NHS: variants seen among roughly 807,000 people sequenced by gnomAD.
NHS encodes NHS actin remodeling regulator.
NHS carries 5 observed loss-of-function variants against 72.5 expected under a neutral mutation model. The ratio of observed to expected loss-of-function variants is 0.07; its 90% CI spans 0.04 to 0.14. NHS has a LOEUF of 0.14. NHS is among the 10% of genes least tolerant of loss of function. The probability of loss-of-function intolerance (pLI) is 1.00; values close to 1 mark genes in which losing one functional copy is unlikely to be tolerated. For missense variants in NHS, 1,072 were observed against 1,355.7 expected, an observed-to-expected ratio of 0.79 and a Z score of 3.29; for synonymous variants, 464 against 547.7, an observed-to-expected ratio of 0.85 and a Z score of 2.13.
chrX:17,491,397 G>T lies in NHS; in HGVS notation c.565+115075G>T, dbSNP rs183058229. ...GATAATCATGTGGTTTTTGTCATTGGTTCTGTTTTTGTGATGGATTACGTT... is the reference window on the plus strand; with the variant it reads ...GATAATCATGTGGTTTTTGTCATTGTTTCTGTTTTTGTGATGGATTACGTT... On this transcript the variant is annotated intron_variant, in intron 1 of 8. Coordinates refer to ENST00000676302, the MANE Select transcript of NHS (RefSeq NM_001291867.2). 1.5e-3 allele frequency among the ~76,000 whole-genome samples: 163 copies of T among 111,966 alleles called. 1 individual carries two copies. In the East Asian group the frequency reaches 0.028, roughly 19 times the overall value.
chrX:17,523,017 G>GA (rs1415942333), intron 1 of NHS, among the ~76,000 whole-genome samples: 210 of 107,637 alleles, frequency 2.0e-3, no homozygotes, highest in East Asian at 5.0e-3. Context: ...CACTTGCTAG[G>GA]AAAAAAAAAA....
In NHS at chrX:17,732,437, C is replaced by T. The variant is rs1453770337; in HGVS notation, c.4929C>T (p.Asp1643=). The T allele has an allele frequency of 9.1e-6, 11 of 1,211,290 alleles. No homozygotes were observed. The highest frequency in any genetic ancestry group is 1.2e-5 in the Non-Finnish European group (11 of 895,528). ...AAAATTCTGACGGGAGCCCACATGA[C>T]GACCGTTCCTCCCAGAGTTCAACAT... ...ETENSDGSPH[D]DRSSQSST The change falls in exon 9 of 9, where the codon GAC becomes GAT. Residue 1643 remains aspartate (D), a synonymous_variant. Transcript: ENST00000676302.
chrX:17,495,073 G>A (rs1017928588), intron 1 of NHS, among the ~76,000 whole-genome samples: 1 of 112,018 alleles, frequency 8.9e-6, no homozygotes, highest in South Asian at 3.7e-4. Context: ...CAGGGAAGCG[G>A]AACTGAAGCT....
At chrX:17,567,755 G>GGAGAGAGGGAAACAGGCAA (rs2065452201) in intron 1 of NHS, among the ~76,000 whole-genome samples, 1 of 108,415 alleles carries the variant, frequency 9.2e-6, no homozygotes, top group South Asian at 4.2e-4. Flanking sequence ...AAAGAGAGAA[G>GGAGAGAGGGAAACAGGCAA]GAGAGAGGGA....
chrX:17,414,737 G>T (rs1013454525), intron 1 of NHS, among the ~76,000 whole-genome samples: 3 of 111,465 alleles, frequency 2.7e-5, no homozygotes, highest in African/African-American at 9.8e-5. Context: ...AGGGGAACAA[G>T]AATTTTCCTA....
At chrX:17,548,851 G>C (rs2065309346) in intron 1 of NHS, among the ~76,000 whole-genome samples, 1 of 111,317 alleles carries the variant, frequency 9.0e-6, no homozygotes, top group Non-Finnish European at 1.9e-5. Flanking sequence ...CTGGGGGATG[G>C]CTGCCCCCCC....
chrX:17,520,014 T>C (rs1180236801), intron 1 of NHS, among the ~76,000 whole-genome samples: 1 of 102,903 alleles, frequency 9.7e-6, no homozygotes, highest in Admixed American at 1.1e-4. Flanking sequence ...TGTCAAGACT[T>C]ACATTTCTGT....
intron 1 of NHS, among the ~76,000 whole-genome samples, chrX:17,555,562 T>A (rs1601767467): frequency 9.0e-6 from 1 of 111,327 alleles, no homozygotes; most frequent in African/African-American, 3.3e-5. Context: ...TCAAAAGAGG[T>A]GCCAAGTGCT....
intron 3 of NHS, among the ~76,000 whole-genome samples, chrX:17,702,875 C>T (rs1452406302): frequency 9.0e-6 from 1 of 111,317 alleles, no homozygotes; most frequent in Non-Finnish European, 1.9e-5. Flanking sequence ...AAAGGAATCC[C>T]TCATTCATTC....
chrX:17,431,693 A>G (rs1424680872), intron 1 of NHS, among the ~76,000 whole-genome samples: 1 of 111,836 alleles, frequency 8.9e-6, no homozygotes, highest in East Asian at 2.8e-4. Context: ...TTAATATCAG[A>G]TCAGGCTGAT....
At chrX:17,465,719 A>G (rs1467594531) in intron 1 of NHS, among the ~76,000 whole-genome samples, 1 of 111,284 alleles carries the variant, frequency 9.0e-6, no homozygotes, top group Non-Finnish European at 1.9e-5. Context: ...ACTGTTTTAT[A>G]CTTTTGTGTG....
chrX:17,426,118 G>A (rs1448589572), intron 1 of NHS, among the ~76,000 whole-genome samples: 1 of 112,165 alleles, frequency 8.9e-6, no homozygotes, highest in Non-Finnish European at 1.9e-5. Flanking sequence ...CACAAGAGCT[G>A]ATTGCACATA....
intron 5 of NHS, among the ~76,000 whole-genome samples, chrX:17,722,607 G>T (rs765499987): frequency 6.5e-4 from 72 of 111,201 alleles, no homozygotes; most frequent in Non-Finnish European, 1.2e-3. Flanking sequence ...TGAGAAAAAA[G>T]GAGTCCTAGT....
intron 3 of NHS, among the ~76,000 whole-genome samples, chrX:17,718,442 G>T (rs2066378750): frequency 1.1e-5 from 1 of 94,976 alleles, no homozygotes; most frequent in African/African-American, 4.1e-5. Flanking sequence ...AAGGAAGGAA[G>T]GAGAGAAGGA....
intron 1 of NHS, among the ~76,000 whole-genome samples, chrX:17,476,167 A>C (rs1369918937): frequency 1.8e-5 from 2 of 111,703 alleles, no homozygotes; most frequent in African/African-American, 6.5e-5. Flanking sequence ...CACACTGTGA[A>C]TATAGCACAT....
intron 1 of NHS, among the ~76,000 whole-genome samples, chrX:17,432,288 C>A (rs2047556037): frequency 8.9e-6 from 1 of 112,518 alleles, no homozygotes; most frequent in South Asian, 3.7e-4. Context: ...TTATTCTTAT[C>A]CTATGTTCTG....
At chrX:17,602,199 CA>C (rs749192042) in intron 1 of NHS, among the ~76,000 whole-genome samples, 1 of 110,302 alleles carries the variant, frequency 9.1e-6, no homozygotes, top group South Asian at 3.8e-4. Context: ...ACAACAACAA[CA>C]AACAAACAAA....
chrX:17,512,475 G>A (rs1569270216), intron 1 of NHS, among the ~76,000 whole-genome samples: 1 of 111,882 alleles, frequency 8.9e-6, no homozygotes, highest in East Asian at 2.8e-4. Context: ...TCAGAAACCC[G>A]AAGGAAAATT....
At chrX:17,543,711 G>C (rs1222137846) in intron 1 of NHS, among the ~76,000 whole-genome samples, 2 of 111,780 alleles carry the variant, frequency 1.8e-5, no homozygotes, top group Non-Finnish European at 3.8e-5. Context: ...CAAAATAAGA[G>C]GCTAGATGGC....
Sources: allele counts gnomAD v4.1 joint callset (sites outside exome capture counted in the v4.1 genomes callset), GRCh38; gene constraint gnomAD v4.1.1; transcripts MANE v1.5; gene names NCBI Gene and HGNC (gene_info 2026-07-23, HGNC 2026-07-21).